Variants in AFG2A observed in about 807,000 individuals in gnomAD.
The protein encoded by AFG2A is AAA ATPase AFG2A.
At chr4:123,097,223 A>T in the AFG2A span, among the ~76,000 whole-genome samples, 1 of 152,116 alleles carries the variant, frequency 6.6e-6, no homozygotes, top group African/African-American at 2.4e-5. Context: ...AGCTAAATAT[A>T]CGTATCTTTC....
At chr4:123,177,485 A>G in the AFG2A span, among the ~76,000 whole-genome samples, 4 of 152,162 alleles carry the variant, frequency 2.6e-5, no homozygotes, top group Non-Finnish European at 5.9e-5. Context: ...TGCTGGGATT[A>G]CAGGCGTGAG....
At chr4:123,288,275 CAAGG>C in the AFG2A span, among the ~76,000 whole-genome samples, 1 of 151,972 alleles carries the variant, frequency 6.6e-6, no homozygotes, top group African/African-American at 2.4e-5. Context: ...GATATGGAGA[CAAGG>C]AAGGGACTAG....
chr4:123,015,762 C>T, the AFG2A span, among the ~76,000 whole-genome samples: 25 of 143,696 alleles, frequency 1.7e-4, no homozygotes, highest in Admixed American at 4.9e-4. Flanking sequence ...TAGGGGCGGC[C>T]GGGCAGAGGT....
At chr4:123,110,693 G>C in the AFG2A span, among the ~76,000 whole-genome samples, 2 of 152,066 alleles carry the variant, frequency 1.3e-5, no homozygotes, top group Non-Finnish European at 2.9e-5. Flanking sequence ...ACTATACCAG[G>C]CACAGCACAC....
the AFG2A span, among the ~76,000 whole-genome samples, chr4:123,205,345 T>C: frequency 6.6e-6 from 1 of 152,190 alleles, no homozygotes; most frequent in African/African-American, 2.4e-5. Context: ...TATTGTCTTA[T>C]ATGTAAAATT....
At chr4:122,985,162 G>A in the AFG2A span, among the ~76,000 whole-genome samples, 1 of 132,318 alleles carries the variant, frequency 7.6e-6, no homozygotes, top group Non-Finnish European at 1.6e-5. Context: ...TTTTGCTCTT[G>A]TTGACCAGAC....
At chr4:122,958,749 C>T in the AFG2A span, among the ~76,000 whole-genome samples, 1 of 152,264 alleles carries the variant, frequency 6.6e-6, no homozygotes, top group South Asian at 2.1e-4. Flanking sequence ...AGCTATTGAC[C>T]TATAGGGCAT....
the AFG2A span, among the ~76,000 whole-genome samples, chr4:123,148,945 T>A: frequency 1.3e-5 from 2 of 152,016 alleles, no homozygotes; most frequent in African/African-American, 4.8e-5. Context: ...ATTTTTGTAT[T>A]TTTAGTAGAG....
At chr4:123,261,151 G>A in the AFG2A span, among the ~76,000 whole-genome samples, 4 of 152,092 alleles carry the variant, frequency 2.6e-5, no homozygotes, top group African/African-American at 9.7e-5. Flanking sequence ...AAAATGTTGG[G>A]GACTGCTGCT....
chr4:122,965,455 G>A, the AFG2A span, among the ~76,000 whole-genome samples: 1 of 152,142 alleles, frequency 6.6e-6, no homozygotes, highest in Non-Finnish European at 1.5e-5. Flanking sequence ...CAAGTCATAC[G>A]TTGGAAACAG....
the AFG2A span, among the ~76,000 whole-genome samples, chr4:123,178,975 A>G: frequency 6.6e-6 from 1 of 152,130 alleles, no homozygotes; most frequent in Non-Finnish European, 1.5e-5. Context: ...TCTGTTTTTG[A>G]GCTTAAGAAA....
At chr4:123,200,511 C>T in the AFG2A span, among the ~76,000 whole-genome samples, 1 of 152,298 alleles carries the variant, frequency 6.6e-6, no homozygotes, top group African/African-American at 2.4e-5. Flanking sequence ...CATACGCAAT[C>T]TGTTAAAACA....
the AFG2A span, among the ~76,000 whole-genome samples, chr4:123,067,520 C>CA: frequency 1.2e-4 from 18 of 150,168 alleles, no homozygotes; most frequent in Admixed American, 9.3e-4. Context: ...CCATCCCCCC[C>CA]AAAAAAAAGA....
chr4:123,317,239 A>AG, the AFG2A span: 1 of 151,918 alleles, frequency 6.6e-6, no homozygotes, highest in South Asian at 2.1e-4. Flanking sequence ...AAAAAAAAAA[A>AG]AAAACCTCTG....
At chr4:123,238,656 TC>T in the AFG2A span, among the ~76,000 whole-genome samples, 1 of 152,060 alleles carries the variant, frequency 6.6e-6, no homozygotes, top group Non-Finnish European at 1.5e-5. Context: ...AGAAAGGACT[TC>T]CACACAAAAA....
the AFG2A span, among the ~76,000 whole-genome samples, chr4:123,122,529 C>T: frequency 1.3e-5 from 2 of 152,174 alleles, no homozygotes; most frequent in South Asian, 2.1e-4. Flanking sequence ...AAGGTTTCTT[C>T]TGAACATGTA....
chr4:122,923,210 C>T, the AFG2A span: 2 of 1,614,254 alleles, frequency 1.2e-6, no homozygotes, highest in Non-Finnish European at 1.7e-6. Context: ...TTGCCCTCTG[C>T]TGCTTCCTCT....
chr4:123,031,921 A>G, the AFG2A span, among the ~76,000 whole-genome samples: 1 of 152,042 alleles, frequency 6.6e-6, no homozygotes, highest in Non-Finnish European at 1.5e-5. Flanking sequence ...AGATTGTGAC[A>G]TTTGACATAC....
chr4:122,935,420 A>T, the AFG2A span, among the ~76,000 whole-genome samples: 2 of 150,402 alleles, frequency 1.3e-5, no homozygotes, highest in South Asian at 4.2e-4. Flanking sequence ...TGGTTTTTCG[A>T]TCATTGATCT....
Sources: gnomAD v4.1 joint callset for allele counts (sites outside exome capture counted in the v4.1 genomes callset) on GRCh38, gnomAD v4.1.1 for gene constraint, MANE v1.5 for transcripts, NCBI Gene and HGNC (gene_info 2026-07-23, HGNC 2026-07-21) for gene names.